Variants in STK3 observed in about 807,000 individuals in gnomAD.
STK3 encodes the protein serine/threonine kinase 3.
Under a neutral mutation model 58.0 loss-of-function variants are expected in STK3, and 41 were observed. The ratio of observed to expected loss-of-function variants is 0.71; its 90% CI spans 0.55 to 0.92. STK3 has a LOEUF of 0.92. Ranked by LOEUF, STK3 falls within the 40% of genes least tolerant of loss-of-function variation. The pLI, the probability that STK3 is intolerant of heterozygous loss-of-function variation, is 0.00. For synonymous variants in STK3, 170 were observed against 191.0 expected (o/e 0.89, Z 0.91); for missense variants, 479 against 602.7 (o/e 0.79, Z 2.15).
intron 2 of STK3, among the ~76,000 whole-genome samples, chr8:98,771,225 C>A (rs1359103353): frequency 6.6e-6 from 1 of 152,218 alleles, no homozygotes; most frequent in Non-Finnish European, 1.5e-5. Context: ...TCTTCCTTCA[C>A]TTAGCATAAT....
intron 6 of STK3, among the ~76,000 whole-genome samples, chr8:98,681,548 AAAT>A (rs1322946516): frequency 6.6e-5 from 10 of 152,234 alleles, no homozygotes; most frequent in African/African-American, 2.4e-4. Context: ...AACTGTATAA[AAAT>A]AATATGTACA....
downstream of STK3, among the ~76,000 whole-genome samples, chr8:98,370,541 C>T (rs920910108): frequency 1.3e-5 from 2 of 152,096 alleles, no homozygotes; most frequent in Non-Finnish European, 2.9e-5. Flanking sequence ...TAAGGACCAT[C>T]ATCTCCCGGC....
At chr8:98,790,800 T>C (rs558953354) in intron 1 of STK3, among the ~76,000 whole-genome samples, 36 of 151,942 alleles carry the variant, frequency 2.4e-4, no homozygotes, top group African/African-American at 8.0e-4. Flanking sequence ...CTGGCCAACA[T>C]AGTGAAACCC....
rs926209446 is a variant in STK3, at chr8:98,413,235, G to A, written n.484-11722C>T. On this transcript the variant is annotated intron_variant and non_coding_transcript_variant, in intron 3 of 3. Transcript: ENST00000517832. Reference sequence around the variant, plus strand: ...TCACCATGTTTGCCAGGCTGGTCTCGGACTCCTGAACTCAAGTGATCCACC... The same window carrying A: ...TCACCATGTTTGCCAGGCTGGTCTCAGACTCCTGAACTCAAGTGATCCACC... 34 of 321,160 alleles carry A rather than the reference G, an allele frequency of 1.1e-4. 1 individual carries two copies. The East Asian group carries it at 1.8e-3, about 17-fold the overall frequency. 19.9% of individuals were successfully genotyped at this position (321,160 alleles called of 1,614,324 possible).
At chr8:98,360,709 G>A in the STK3 span, among the ~76,000 whole-genome samples, 6 of 152,080 alleles carry the variant, frequency 3.9e-5, no homozygotes, top group African/African-American at 1.2e-4. Context: ...AATATTTTAC[G>A]ATGCAGCCAT....
intron 6 of STK3, among the ~76,000 whole-genome samples, chr8:98,607,721 T>G (rs1419817337): frequency 1.3e-5 from 2 of 152,204 alleles, no homozygotes; most frequent in East Asian, 3.8e-4. Context: ...AACTGAGAGA[T>G]AAACTTTGAT....
intron 1 of STK3, among the ~76,000 whole-genome samples, chr8:98,896,363 A>G (rs1277170866): frequency 6.6e-6 from 1 of 152,224 alleles, no homozygotes; most frequent in Non-Finnish European, 1.5e-5. Context: ...TATTATACAA[A>G]GTCACAATGT....
chr8:98,424,141 C>G (rs1470075881), intron 3 of STK3, among the ~76,000 whole-genome samples: 2 of 152,276 alleles, frequency 1.3e-5, no homozygotes, highest in African/African-American at 4.8e-5. Flanking sequence ...AGTGGCTCTG[C>G]CTGTCACATA....
At position 98,494,654 on chromosome 8, in the gene STK3, C is replaced by CAAA. The variant is rs398008984; in HGVS notation, c.1317+32085_1317+32087dup. The stretch of plus-strand genomic sequence containing the variant: ...TAGGTGACAGAGTGAGACCCTGTCT[C>CAAA]AAAAAAAAAAAAAAAAAAAAAAAAA... On this transcript the variant is annotated intron_variant, in intron 10 of 10. Transcript: ENST00000419617. Among the ~76,000 whole-genome samples, 141 of 40,152 alleles carry CAAA rather than the reference C, an allele frequency of 3.5e-3. 10 individuals carry two copies. The highest frequency in any genetic ancestry group is 0.019 in the Middle Eastern group (1 of 52). 26.3% of individuals were successfully genotyped at this position (40,152 alleles called of 152,430 possible). A position where few individuals can be genotyped will look rare whatever the true frequency, so the allele number is the denominator to read the frequency against.
At chr8:98,400,046 C>G (rs1817928233), downstream of STK3, among the ~76,000 whole-genome samples, 1 of 152,130 alleles carries the variant, frequency 6.6e-6, no homozygotes, top group Admixed American at 6.5e-5. Context: ...GCATCAGATC[C>G]CGGTGGTGAG....
rs901178703 is a variant in STK3, at chr8:98,597,969, G to T, written c.685-1800C>A. ...GGCTTTAAAAAATGAGTAAAATGGG[G>T]TTAAAAGCAGCTGCTGGAAAAGGCA... On this transcript the variant is annotated intron_variant, in intron 6 of 10. Coordinates refer to ENST00000419617, the MANE Select transcript of STK3 (RefSeq NM_006281.4). The T allele has an allele frequency of 3.0e-6, 3 of 985,144 alleles. No homozygotes were observed. In the African/African-American group the frequency reaches 5.2e-5, roughly 17 times the overall value. The allele number at this position is 985,144 out of a possible 1,614,324, so 61.0% of individuals were successfully genotyped here.
chr8:98,870,310 C>T (rs540004202), intron 3 of STK3, among the ~76,000 whole-genome samples: 22 of 152,294 alleles, frequency 1.4e-4, no homozygotes, highest in Middle Eastern at 6.8e-3. Flanking sequence ...CATATGCGTG[C>T]ATGTGTCTTT....
chr8:98,596,824 T>C (rs185405810), intron 6 of STK3, among the ~76,000 whole-genome samples: 3 of 152,094 alleles, frequency 2.0e-5, no homozygotes, highest in African/African-American at 4.8e-5. Context: ...GCCTCCTAGA[T>C]AGTCACCCTG....
At chr8:98,566,661 A>C (rs1812507766) in intron 8 of STK3, among the ~76,000 whole-genome samples, 1 of 152,090 alleles carries the variant, frequency 6.6e-6, no homozygotes, top group Admixed American at 6.6e-5. Context: ...TATTTGCTCC[A>C]CCACTGCTTA....
At chr8:98,867,674 T>C (rs922279324) in intron 3 of STK3, among the ~76,000 whole-genome samples, 1 of 152,304 alleles carries the variant, frequency 6.6e-6, no homozygotes, top group African/African-American at 2.4e-5. Context: ...TCTCTGGAGC[T>C]ACCCTAACTG....
chr8:98,655,559 T>A (rs967049253), intron 6 of STK3, among the ~76,000 whole-genome samples: 1 of 151,518 alleles, frequency 6.6e-6, no homozygotes, highest in Non-Finnish European at 1.5e-5. Flanking sequence ...ACCTACAACA[T>A]GGGAGAAAAT....
chr8:98,538,347 G>T (rs982561358), intron 9 of STK3, among the ~76,000 whole-genome samples: 2 of 152,204 alleles, frequency 1.3e-5, no homozygotes, highest in African/African-American at 2.4e-5. Flanking sequence ...AACAAAGAAG[G>T]ATAAACATAA....
rs74684241 is a variant in STK3 at position 98,898,825 on chromosome 8, C to T, written c.-78-14991G>A. 2.3e-3 allele frequency among the ~76,000 whole-genome samples: 345 copies of T among 152,284 alleles called. 2 individuals carry two copies. Among genetic ancestry groups the T allele is most frequent in the African/African-American group, 8.0e-3 (334 of 41,542 alleles). The stretch of plus-strand genomic sequence containing the variant: ...CGAAAGAAATATTTTTAAGAGTACA[C>T]AGGGAGTAAAAGTGTTTTATAACCT... On this transcript the variant is annotated intron_variant, in intron 1 of 1. Coordinates refer to the STK3 transcript ENST00000519420.
In STK3 at chr8:98,650,329, G is replaced by C. The variant is rs563073076; in HGVS notation, c.685-54160C>G. The stretch of plus-strand genomic sequence containing the variant: ...ACATTAGCATTCCACTGTTTAAAAT[G>C]TTTACTTTTGAAGAATGGCCCGGAG... On this transcript the variant is annotated intron_variant, in intron 6 of 10. Coordinates refer to ENST00000419617, the MANE Select transcript of STK3 (RefSeq NM_006281.4). 2.6e-5 allele frequency among the ~76,000 whole-genome samples: 4 copies of C among 152,332 alleles called. No individual in the cohort carries two copies. In the South Asian group the frequency reaches 6.2e-4, roughly 24 times the overall value.
Sources: allele counts gnomAD v4.1 joint callset (sites outside exome capture counted in the v4.1 genomes callset), GRCh38; gene constraint gnomAD v4.1.1; transcripts MANE v1.5; gene names NCBI Gene and HGNC (gene_info 2026-07-23, HGNC 2026-07-21).